DPP10: variants seen among roughly 807,000 people sequenced by gnomAD.
The protein encoded by DPP10 is dipeptidyl peptidase like 10.
A neutral mutation model predicts 120.9 loss-of-function variants in DPP10; 33 were observed. The ratio of observed to expected loss-of-function variants is 0.27; its 90% CI spans 0.21 to 0.37. DPP10 has a LOEUF of 0.37. Ranked by LOEUF, DPP10 falls within the 10% of genes least tolerant of loss-of-function variation. DPP10 has a pLI of 1.00. For synonymous variants in DPP10, 337 were observed against 326.1 expected, an observed-to-expected ratio of 1.03 and a Z score of -0.36; for missense variants, 816 against 942.8, an observed-to-expected ratio of 0.87 and a Z score of 1.76.
intron 1 of DPP10, among the ~76,000 whole-genome samples, chr2:115,262,608 A>C (rs2105760168): frequency 6.6e-6 from 1 of 152,280 alleles, no homozygotes; most frequent in East Asian, 1.9e-4. Context: ...TAATTGATAT[A>C]AATAAAAATT....
intron 1 of DPP10, among the ~76,000 whole-genome samples, chr2:114,666,052 G>C (rs1697898584): frequency 6.6e-6 from 1 of 152,080 alleles, no homozygotes; most frequent in South Asian, 2.1e-4. Context: ...TTTTTTCTGA[G>C]TTTTATCTTA....
chr2:115,011,926 G>A lies in DPP10; in HGVS notation c.61-297313G>A, dbSNP rs528237283. On this transcript the variant is annotated intron_variant, in intron 1 of 25. Transcript: ENST00000410059. Reference sequence around the variant, plus strand: ...TCACTGGTTGCCTGGAAATAGACTCGGTGCTGCTGTGGGGTCACGGTGGGA... The same window carrying A: ...TCACTGGTTGCCTGGAAATAGACTCAGTGCTGCTGTGGGGTCACGGTGGGA... 9.2e-5 allele frequency among the ~76,000 whole-genome samples: 14 copies of A among 152,072 alleles called. 1 individual carries two copies. In the East Asian group the frequency reaches 1.9e-3, roughly 21 times the overall value.
chr2:115,190,515 A>C (rs1363806647), intron 1 of DPP10, among the ~76,000 whole-genome samples: 1 of 152,164 alleles, frequency 6.6e-6, no homozygotes, highest in African/African-American at 2.4e-5. Flanking sequence ...AGCTCTTGGA[A>C]GGGCTTGGTT....
At chr2:115,420,472 C>T (rs2069838515) in intron 3 of DPP10, among the ~76,000 whole-genome samples, 1 of 152,020 alleles carries the variant, frequency 6.6e-6, no homozygotes, top group Non-Finnish European at 1.5e-5. Context: ...AGATTTATGG[C>T]TCAAAAACTA....
At chr2:115,672,244 T>C (rs1277845996) in intron 5 of DPP10, among the ~76,000 whole-genome samples, 2 of 152,128 alleles carry the variant, frequency 1.3e-5, no homozygotes, top group African/African-American at 4.8e-5. Flanking sequence ...TTATGTTGGT[T>C]GGTTGGCTGG....
intron 1 of DPP10, among the ~76,000 whole-genome samples, chr2:114,946,771 A>G (rs1697375815): frequency 1.3e-5 from 2 of 151,986 alleles, no homozygotes; most frequent in Admixed American, 1.3e-4. Flanking sequence ...GGTTCTTGTC[A>G]AAGGTTTGTA....
chr2:114,994,954 T>C (rs1180455800), intron 1 of DPP10, among the ~76,000 whole-genome samples: 1 of 152,224 alleles, frequency 6.6e-6, no homozygotes, highest in Non-Finnish European at 1.5e-5. Context: ...CACCCAATTC[T>C]CAAGCACTCC....
intron 3 of DPP10, among the ~76,000 whole-genome samples, chr2:115,364,603 C>CA (rs1335746089): frequency 4.6e-5 from 7 of 151,226 alleles, no homozygotes; most frequent in African/African-American, 7.3e-5. Context: ...TCTGTATACT[C>CA]AACCATGACT....
At chr2:114,507,450 G>A (rs1683773615) in intron 1 of DPP10, among the ~76,000 whole-genome samples, 1 of 152,112 alleles carries the variant, frequency 6.6e-6, no homozygotes, top group Non-Finnish European at 1.5e-5. Flanking sequence ...TACGTACGTG[G>A]TTATAGTTCA....
At chr2:115,169,102 G>A (rs796437347) in intron 1 of DPP10, among the ~76,000 whole-genome samples, 3 of 152,248 alleles carry the variant, frequency 2.0e-5, no homozygotes, top group African/African-American at 4.8e-5. Context: ...GAGAGGCAAC[G>A]TGATGTAAGA....
intron 4 of DPP10, among the ~76,000 whole-genome samples, chr2:115,519,765 A>G (rs901479059): frequency 6.6e-6 from 1 of 152,088 alleles, no homozygotes; most frequent in Non-Finnish European, 1.5e-5. Flanking sequence ...CTTTTCAACT[A>G]GATCGTAATC....
At chr2:115,183,467 T>A (rs1262634164) in intron 1 of DPP10, among the ~76,000 whole-genome samples, 1 of 152,174 alleles carries the variant, frequency 6.6e-6, no homozygotes, top group Non-Finnish European at 1.5e-5. Flanking sequence ...TCTCTCCATA[T>A]ACCTACACAT....
chr2:114,842,454 C>T (rs958429727), intron 1 of DPP10, among the ~76,000 whole-genome samples: 13 of 151,802 alleles, frequency 8.6e-5, no homozygotes, highest in East Asian at 1.9e-4. Context: ...GTCTATAGGA[C>T]GAGAAGAAAG....
At chr2:114,556,269 A>ATATATATATATATG (rs70937289) in intron 1 of DPP10, among the ~76,000 whole-genome samples, 25 of 139,428 alleles carry the variant, frequency 1.8e-4, no homozygotes, top group African/African-American at 5.9e-4. Flanking sequence ...ATATATATAT[A>ATATATATATATATG]GGCAAATAAT....
chr2:115,253,624 G>C (rs2105690807), intron 1 of DPP10, among the ~76,000 whole-genome samples: 1 of 152,344 alleles, frequency 6.6e-6, no homozygotes, highest in South Asian at 2.1e-4. Context: ...ATGCGAGTTT[G>C]AAACCTGGCA....
At chr2:114,691,195 G>A (rs1358544397) in intron 1 of DPP10, among the ~76,000 whole-genome samples, 1 of 152,078 alleles carries the variant, frequency 6.6e-6, no homozygotes, top group African/African-American at 2.4e-5. Flanking sequence ...GATATTAGCT[G>A]TGGGTTTGTT....
intron 8 of DPP10, among the ~76,000 whole-genome samples, chr2:115,737,114 G>A (rs1033886037): frequency 3.9e-5 from 6 of 152,038 alleles, no homozygotes; most frequent in South Asian, 4.1e-4. Context: ...ATTCCAGCTC[G>A]TTGTTGTACA....
chr2:114,761,791 A>C (rs1056640388), intron 1 of DPP10, among the ~76,000 whole-genome samples: 2 of 152,204 alleles, frequency 1.3e-5, no homozygotes, highest in Non-Finnish European at 2.9e-5. Context: ...ACTGCTAAGA[A>C]ACTGCTTTAC....
intron 1 of DPP10, among the ~76,000 whole-genome samples, chr2:114,670,638 A>G (rs992225451): frequency 6.6e-6 from 1 of 152,176 alleles, no homozygotes; most frequent in South Asian, 2.1e-4. Context: ...TATGTAACTA[A>G]CCTGCACATT....
Sources: gnomAD v4.1 joint callset for allele counts (sites outside exome capture counted in the v4.1 genomes callset) on GRCh38, gnomAD v4.1.1 for gene constraint, MANE v1.5 for transcripts, NCBI Gene and HGNC (gene_info 2026-07-23, HGNC 2026-07-21) for gene names.